The following SH3PXD2A variants were observed in gnomAD, a reference collection of about 807,000 sequenced individuals.
SH3PXD2A encodes SH3 and PX domain-containing protein 2A.
Under a neutral mutation model 115.2 loss-of-function variants are expected in SH3PXD2A, and 32 were observed. That is an observed-to-expected ratio of 0.28 (90% confidence interval 0.21 to 0.37). SH3PXD2A has a LOEUF of 0.37. SH3PXD2A is among the 10% of genes least tolerant of loss of function. The pLI, the probability that SH3PXD2A is intolerant of heterozygous loss-of-function variation, is 1.00. For missense variants in SH3PXD2A, 1,328 were observed against 1,498.7 expected, an observed-to-expected ratio of 0.89 and a Z score of 1.88; for synonymous variants, 610 against 629.1, an observed-to-expected ratio of 0.97 and a Z score of 0.45.
chr10:103,706,006 A>G (rs868426991), intron 5 of SH3PXD2A, among the ~76,000 whole-genome samples: 1 of 136,936 alleles, frequency 7.3e-6, no homozygotes, highest in South Asian at 2.1e-4. Context: ...CTCAAAAAGA[A>G]AAAAAAAAAA....
intron 8 of SH3PXD2A, among the ~76,000 whole-genome samples, chr10:103,647,173 C>T (rs2037048317): frequency 6.6e-6 from 1 of 152,156 alleles, no homozygotes; most frequent in Non-Finnish European, 1.5e-5. Context: ...AGCTTCACTC[C>T]CCAGGAAGCG....
Position 103,653,999 on chromosome 10 carries a change from G to T in SH3PXD2A, c.604+6984C>A, listed in dbSNP as rs181331316. Among the ~76,000 whole-genome samples, 656 of 151,280 alleles carry T rather than the reference G, an allele frequency of 4.3e-3. 21 individuals carry two copies. The highest frequency in any genetic ancestry group is 0.041 in the Admixed American group (625 of 15,192). On this transcript the variant is annotated intron_variant, in intron 8 of 14. Transcript: ENST00000369774. ...TGCTTTGCAGTCGCAGCCCCACCAC[G>T]CCCTGTACTCCTCGCTCTGCCTGTC...
At chr10:103,771,932 C>T (rs2038827122) in intron 2 of SH3PXD2A, among the ~76,000 whole-genome samples, 1 of 152,182 alleles carries the variant, frequency 6.6e-6, no homozygotes, top group African/African-American at 2.4e-5. Flanking sequence ...AATCCCACCA[C>T]CAGGATAAAC....
chr10:103,847,717 T>C (rs66718336), intron 1 of SH3PXD2A, among the ~76,000 whole-genome samples: 132,131 of 152,026 alleles, frequency 0.87, 58,612 homozygotes, highest in East Asian at 0.99. Context: ...GGCGAGTGGA[T>C]CACCTGAGGT....
chr10:103,777,534 C>T (rs1257839176), intron 2 of SH3PXD2A, among the ~76,000 whole-genome samples: 3 of 152,134 alleles, frequency 2.0e-5, no homozygotes, highest in Non-Finnish European at 2.9e-5. Flanking sequence ...TAGGCCTGGG[C>T]GGATAGCCCG....
chr10:103,818,580 AG>A, intron 1 of SH3PXD2A, among the ~76,000 whole-genome samples: 1 of 152,338 alleles, frequency 6.6e-6, no homozygotes, highest in African/African-American at 2.4e-5. Context: ...CCTGATGTGC[AG>A]GAAAAATTTC....
At chr10:103,816,724 T>C (rs1337803398) in intron 1 of SH3PXD2A, among the ~76,000 whole-genome samples, 1 of 152,242 alleles carries the variant, frequency 6.6e-6, no homozygotes, top group Non-Finnish European at 1.5e-5. Flanking sequence ...AGCAGCATTA[T>C]ATTATAAAAT....
chr10:103,782,599 A>G (rs1428822987), intron 2 of SH3PXD2A, among the ~76,000 whole-genome samples: 1 of 152,130 alleles, frequency 6.6e-6, no homozygotes, highest in Non-Finnish European at 1.5e-5. Flanking sequence ...TGTTCTAGGC[A>G]TCGGGAAAAC....
chr10:103,602,720 G>A lies in SH3PXD2A; in HGVS notation c.2498C>T (p.Pro833Leu). 1 of 1,614,132 alleles carries A rather than the reference G, an allele frequency of 6.2e-7. No individual in the cohort carries two copies. ...ITLPATTPPC[P>L]TKKEWEGPAT... ...TGGCCCTTCCCATTCCTTCTTGGTGGGACATGGGGGAGTGGTGGCTGGGAG... is the reference window on the plus strand; with the variant it reads ...TGGCCCTTCCCATTCCTTCTTGGTGAGACATGGGGGAGTGGTGGCTGGGAG... The change falls in exon 15 of 15, where the codon CCC (proline) becomes CTC (leucine). Residue 833 changes from proline to leucine, a missense_variant. Transcript: ENST00000369774.
intron 3 of SH3PXD2A, among the ~76,000 whole-genome samples, chr10:103,751,527 G>C (rs974007413): frequency 1.3e-5 from 2 of 152,156 alleles, no homozygotes; most frequent in Non-Finnish European, 1.5e-5. Context: ...GAGCACTATG[G>C]GGATCTGAAT....
intron 4 of SH3PXD2A, 26 bp from the exon 5 acceptor site, chr10:103,724,387 A>G (rs1285531651): frequency 7.2e-7 from 1 of 1,393,510 alleles, no homozygotes; most frequent in South Asian, 1.3e-5. Flanking sequence ...AAGAAAGGGC[A>G]TTAGGTGTGA....
Position 103,738,943 on chromosome 10 carries a change from T to A in SH3PXD2A, c.230-3135A>T, listed in dbSNP as rs533304079. Among the ~76,000 whole-genome samples, 459 of 151,824 alleles carry A rather than the reference T, an allele frequency of 3.0e-3. 2 individuals carry two copies. The highest frequency in any genetic ancestry group is 6.0e-3 in the South Asian group (29 of 4,820). On this transcript the variant is annotated intron_variant, in intron 3 of 14. Coordinates refer to ENST00000369774, the MANE Select transcript of SH3PXD2A (RefSeq NM_001394015.1). Reference sequence around the variant, plus strand: ...CCGAGTAGCTGGGATTACAGGCATGTGCCACCACACCCGGCTGATTTTGCA... The same window carrying A: ...CCGAGTAGCTGGGATTACAGGCATGAGCCACCACACCCGGCTGATTTTGCA...
chr10:103,668,559 G>T, intron 7 of SH3PXD2A, 49 bp downstream of exon 7: 1 of 1,501,510 alleles, frequency 6.7e-7, no homozygotes, highest in Non-Finnish European at 9.1e-7. Context: ...CCGCGCACAC[G>T]GACCTGGAAC....
chr10:103,695,522 A>AG (rs1385642961), intron 5 of SH3PXD2A, among the ~76,000 whole-genome samples: 2 of 151,966 alleles, frequency 1.3e-5, no homozygotes, highest in Non-Finnish European at 2.9e-5. Flanking sequence ...AGAAAAAAAA[A>AG]AAAAAAAGAG....
At chr10:103,762,453 C>T (rs1402763351) in intron 3 of SH3PXD2A, among the ~76,000 whole-genome samples, 2 of 152,222 alleles carry the variant, frequency 1.3e-5, no homozygotes, top group African/African-American at 4.8e-5. Flanking sequence ...CTCAGTCTCA[C>T]ATAATACGGG....
At chr10:103,687,067 T>A (rs990816146) in intron 6 of SH3PXD2A, among the ~76,000 whole-genome samples, 3 of 152,124 alleles carry the variant, frequency 2.0e-5, no homozygotes, top group Non-Finnish European at 4.4e-5. Flanking sequence ...TTTTTATAGT[T>A]ATTAAAGACC....
chr10:103,660,150 A>C (rs2037270324), intron 8 of SH3PXD2A, among the ~76,000 whole-genome samples: 1 of 152,014 alleles, frequency 6.6e-6, no homozygotes, highest in Non-Finnish European at 1.5e-5. Context: ...AACTGAAACA[A>C]AACACCCCAG....
At chr10:103,702,487 A>G (rs1247733321) in intron 5 of SH3PXD2A, among the ~76,000 whole-genome samples, 2 of 152,160 alleles carry the variant, frequency 1.3e-5, no homozygotes, top group African/African-American at 2.4e-5. Context: ...CTAGCCCTTG[A>G]AAGATGAAGA....
rs371560265 is a variant in SH3PXD2A, at chr10:103,646,991, A to G, written c.604+13992T>C. On this transcript the variant is annotated intron_variant, in intron 8 of 14. Coordinates refer to ENST00000369774, the MANE Select transcript of SH3PXD2A (RefSeq NM_001394015.1). ...CTCCCAGCCTCCATGGGGTCCTCCA[A>G]CCACCTCCCTTGGAGGGAGGCCTCT... Among the ~76,000 whole-genome samples the G allele has an allele frequency of 1.0e-4, 11 of 106,728 alleles. No homozygotes were observed. In the East Asian group the frequency reaches 2.9e-3, roughly 28 times the overall value. The allele number at this position is 106,728 out of a possible 152,430, so 70.0% of individuals were successfully genotyped here.
Sources: gnomAD v4.1 joint callset for allele counts (sites outside exome capture counted in the v4.1 genomes callset) on GRCh38, gnomAD v4.1.1 for gene constraint, MANE v1.5 for transcripts, NCBI Gene and HGNC (gene_info 2026-07-23, HGNC 2026-07-21) for gene names.